Variants in DST observed in about 807,000 individuals in gnomAD.
DST encodes the protein dystonin, also known as bullous pemphigoid antigen.
DST carries 253 observed loss-of-function variants against 875.2 expected under a neutral mutation model. The observed-to-expected ratio is 0.29, with a 90% CI of 0.26 to 0.32. The LOEUF (loss-of-function observed/expected upper bound fraction) is 0.32. Ranked by LOEUF, DST falls within the 10% of genes least tolerant of loss-of-function variation. The probability of loss-of-function intolerance (pLI) is 1.00; values close to 1 mark genes in which losing one functional copy is unlikely to be tolerated. For synonymous variants in DST, 3,124 were observed against 3,197.1 expected, an observed-to-expected ratio of 0.98 and a Z score of 0.77; for missense variants, 8,287 against 9,111.6, an observed-to-expected ratio of 0.91 and a Z score of 3.68.
chr6:56,505,836 TAA>T (rs543619565), intron 77 of DST, among the ~76,000 whole-genome samples: 2 of 151,070 alleles, frequency 1.3e-5, no homozygotes, highest in Non-Finnish European at 3.0e-5. Context: ...TTTTTAATAT[TAA>T]AAAAAAACCT....
chr6:56,763,093 G>C (rs1025040838), intron 4 of DST, among the ~76,000 whole-genome samples: 13 of 151,952 alleles, frequency 8.6e-5, no homozygotes, highest in African/African-American at 2.9e-4. Context: ...CAGGTGATCT[G>C]CCCATCTCGG....
chr6:56,509,253 G>A (rs2096412995), intron 74 of DST, among the ~76,000 whole-genome samples: 1 of 152,274 alleles, frequency 6.6e-6, no homozygotes, highest in East Asian at 1.9e-4. Flanking sequence ...GGCTGTGGTA[G>A]TGGTTCCCAT....
intron 4 of DST, among the ~76,000 whole-genome samples, chr6:56,772,451 C>T (rs2099668701): frequency 6.6e-6 from 1 of 152,162 alleles, no homozygotes; most frequent in Admixed American, 6.5e-5. Context: ...TAACTCTCTT[C>T]GATCTGCTCC....
chr6:56,552,492 C>T lies in DST; in HGVS notation c.16300G>A (p.Ala5434Thr), dbSNP rs755545556. The change falls in exon 61 of 104, where the codon GCC (alanine) becomes ACC (threonine). Residue 5434 changes from alanine to threonine, a missense_variant. Coordinates refer to ENST00000680361, the MANE Select transcript of DST (RefSeq NM_001374736.1). Reference protein sequence around the residue: ...TIKAFLKKLEALMASNDNANK... With the variant: ...TIKAFLKKLETLMASNDNANK... The stretch of plus-strand genomic sequence containing the variant: ...GCATTGTCATTGCTTGCCATGAGGG[C>T]TTCTAGTTTCTTTAGAAAGGCTTTT... 2.5e-6 allele frequency: 4 copies of T among 1,613,860 alleles called. No individual in the cohort carries two copies. Among genetic ancestry groups the T allele is most frequent in the South Asian group, 1.1e-5 (1 of 91,078 alleles).
chr6:56,500,935 T>C (rs1187960198), intron 80 of DST, 145 bp downstream of exon 80: 3 of 762,212 alleles, frequency 3.9e-6, no homozygotes, highest in Non-Finnish European at 5.9e-6. Flanking sequence ...TTTTAAGTAG[T>C]TAACCTTTAG....
rs1044825002 is a variant in DST, at chr6:56,507,122, T to G, written c.19240-333A>C. Among the ~76,000 whole-genome samples, 88 of 152,300 alleles carry G rather than the reference T, an allele frequency of 5.8e-4. 1 individual carries two copies. Among genetic ancestry groups the G allele is most frequent in the African/African-American group, 2.0e-3 (85 of 41,568 alleles). ...TTTGGTTTCCAAACCAATATACATT[T>G]AACATAGACAAGTAAAATATAAATC... On this transcript the variant is annotated intron_variant, in intron 75 of 103. Coordinates refer to ENST00000680361, the MANE Select transcript of DST (RefSeq NM_001374736.1).
intron 9 of DST, among the ~76,000 whole-genome samples, chr6:56,678,729 T>A (rs2099142501): frequency 6.6e-6 from 1 of 152,036 alleles, no homozygotes; most frequent in Non-Finnish European, 1.5e-5. Flanking sequence ...AGGTATCCTG[T>A]CCCCCTCTAC....
intron 4 of DST, among the ~76,000 whole-genome samples, chr6:56,776,437 C>T (rs2099679342): frequency 6.6e-6 from 1 of 152,102 alleles, no homozygotes; most frequent in Admixed American, 6.5e-5. Context: ...AGATTATGTA[C>T]CAGTGTTGGT....
At chr6:56,747,416 T>C (rs2099575917) in intron 4 of DST, among the ~76,000 whole-genome samples, 1 of 152,196 alleles carries the variant, frequency 6.6e-6, no homozygotes, top group Non-Finnish European at 1.5e-5. Flanking sequence ...GGTTCTGCTC[T>C]GACAAGGAAT....
intron 5 of DST, among the ~76,000 whole-genome samples, chr6:56,707,683 T>C (rs889647148): frequency 6.6e-6 from 1 of 152,194 alleles, no homozygotes; most frequent in Non-Finnish European, 1.5e-5. Flanking sequence ...TGGGGTATGA[T>C]TCTGAACACT....
chr6:56,882,754 G>A (rs1782806206), intron 3 of DST, among the ~76,000 whole-genome samples: 1 of 152,096 alleles, frequency 6.6e-6, no homozygotes, highest in Non-Finnish European at 1.5e-5. Flanking sequence ...GTAATTTGCT[G>A]GAATAAAATC....
chr6:56,569,798 T>C, intron 54 of DST, 58 bp downstream of exon 54: 1 of 1,478,270 alleles, frequency 6.8e-7, no homozygotes, highest in Non-Finnish European at 9.3e-7. Context: ...ACCATTAGTC[T>C]TTTAATCTTT....
chr6:56,605,711 TCAATTCTGG>T lies in DST; in HGVS notation c.8908_8916del (p.Pro2970_Leu2972del), dbSNP rs2098489152. 6.2e-7 allele frequency: 1 copy of T among 1,612,796 alleles called. No homozygotes were observed. Among genetic ancestry groups the T allele is most frequent in the African/African-American group, 1.3e-5 (1 of 74,868 alleles). ...TCATCTTTACCTTTCACAGAATCAG[TCAATTCTGG>T]CAATTCTGACCCTTGAATCAACTTA... On this transcript the variant is annotated inframe_deletion, in exon 40 of 104. Coordinates refer to ENST00000680361, the MANE Select transcript of DST (RefSeq NM_001374736.1).
chr6:56,606,466 A>C lies in DST; in HGVS notation c.8162T>G (p.Leu2721Arg). 1 of 1,613,376 alleles carries C rather than the reference A, an allele frequency of 6.2e-7. No individual in the cohort carries two copies. Among genetic ancestry groups the C allele is most frequent in the Non-Finnish European group, 8.5e-7 (1 of 1,179,548 alleles). ...GCATTCCCTTTCTGATCCAGTTTCC[A>C]GTGACTGTCCATTCACCTTATCTGA... ...VGSDKVNGQS[L>R]ETGSERECTN... Residue 2721 changes from leucine to arginine, a missense_variant, in exon 40 of 104, where the codon CTG becomes CGG. Around this residue, in one of 10 missense-constraint regions of DST, gnomAD observed 3,138 missense variants for 3,116.6 expected, o/e 1.01. Transcript: ENST00000680361.
intron 4 of DST, among the ~76,000 whole-genome samples, chr6:56,750,436 C>T (rs1017372552): frequency 4.6e-5 from 7 of 152,146 alleles, no homozygotes. Flanking sequence ...AACTGGACAC[C>T]TTTCTGAGAT....
chr6:56,608,172 AT>A lies in DST; in HGVS notation c.6455del (p.Asp2152ValfsTer2). 6.2e-7 allele frequency: 1 copy of A among 1,613,704 alleles called. No homozygotes were observed. The highest frequency in any genetic ancestry group is 8.5e-7 in the Non-Finnish European group (1 of 1,179,726). On this transcript the variant is annotated frameshift_variant, in exon 40 of 104. Transcript: ENST00000680361. LOFTEE classifies it high-confidence loss of function. The part of the protein sequence containing the change: ...TLPDKMPDLG[D>X]LEACKNARRW... ...TTCTGGCATTTTTACAAGCTTCTAAATCTCCTAAATCTGGCATTTTATCAGG... is the reference window on the plus strand; with the variant it reads ...TTCTGGCATTTTTACAAGCTTCTAAACTCCTAAATCTGGCATTTTATCAGG...
At chr6:56,619,059 A>T in intron 36 of DST, 1 of 1,613,912 alleles carries the variant, frequency 6.2e-7, no homozygotes, top group Non-Finnish European at 8.5e-7. Flanking sequence ...TCACTTACCA[A>T]ATTTTGACTT....
chr6:56,462,396 A>G (rs2094378025), intron 102 of DST, among the ~76,000 whole-genome samples: 1 of 152,184 alleles, frequency 6.6e-6, no homozygotes, highest in African/African-American at 2.4e-5. Context: ...GCATGCTTAA[A>G]TTAGTTATTA....
At position 56,530,037 on chromosome 6, in the gene DST, C is replaced by A. The variant is rs748852526; in HGVS notation, c.17205G>T (p.Leu5735=). The A allele has an allele frequency of 6.2e-7, 1 of 1,613,164 alleles. No individual in the cohort carries two copies. The highest frequency in any genetic ancestry group is 1.7e-5 in the Admixed American group (1 of 59,884). ...NEWLTTIEKR[L]VNCEPIGTQA... ...GGGTTCCTATGGGTTCACAATTCAC[C>A]AGCCTCTTTTCTATGGTTGTAAGCC... is the stretch of plus-strand genomic sequence containing the variant. Residue 5735 remains leucine (L), a synonymous_variant, in exon 65 of 104, where the codon CTG becomes CTT. Coordinates refer to ENST00000680361, the MANE Select transcript of DST (RefSeq NM_001374736.1).
Sources: gnomAD v4.1 joint callset for allele counts (sites outside exome capture counted in the v4.1 genomes callset) on GRCh38, gnomAD v4.1.1 for gene constraint, gnomAD v4.1.1 regional missense constraint, MANE v1.5 for transcripts, NCBI Gene and HGNC (gene_info 2026-07-23, HGNC 2026-07-21) for gene names.